Variants in PRKG1 observed in about 807,000 individuals in gnomAD.
PRKG1 encodes protein kinase cGMP-dependent 1.
PRKG1 carries 35 observed loss-of-function variants against 88.1 expected under a neutral mutation model. That is an observed-to-expected ratio of 0.40 (90% CI 0.30 to 0.53). The LOEUF (loss-of-function observed/expected upper bound fraction) is 0.53, where lower values mean the gene tolerates loss of function less well. Ranked by LOEUF, PRKG1 falls within the 20% of genes least tolerant of loss-of-function variation. PRKG1 has a pLI of 0.59. For missense variants in PRKG1, 540 were observed against 839.8 expected, an observed-to-expected ratio of 0.64 and a Z score of 4.41; for synonymous variants, 303 against 292.5, an observed-to-expected ratio of 1.04 and a Z score of -0.37.
intron 2 of PRKG1, among the ~76,000 whole-genome samples, chr10:51,260,531 C>A (rs534999014): frequency 2.0e-5 from 3 of 152,236 alleles, no homozygotes; most frequent in Non-Finnish European, 2.9e-5. Context: ...TATTTCTAGA[C>A]TAGCACTAAT....
intron 2 of PRKG1, among the ~76,000 whole-genome samples, chr10:51,305,794 T>C (rs145314274): frequency 6.6e-6 from 1 of 152,218 alleles, no homozygotes; most frequent in Middle Eastern, 3.2e-3. Context: ...AAAATATCAT[T>C]TTCTTCCTAG....
intron 3 of PRKG1, among the ~76,000 whole-genome samples, chr10:51,571,111 G>A (rs11497981): frequency 0.15 from 22,405 of 151,802 alleles, 1,815 homozygotes; most frequent in African/African-American, 0.21. Context: ...TGCATTTGAC[G>A]TGCTCACCAG....
intron 2 of PRKG1, among the ~76,000 whole-genome samples, chr10:51,156,864 A>G (rs1053922256): frequency 1.3e-5 from 2 of 151,990 alleles, no homozygotes; most frequent in Non-Finnish European, 2.9e-5. Context: ...GAACATTCAT[A>G]TTTATAAAGA....
chr10:52,112,957 A>G (rs1215454009), intron 7 of PRKG1, among the ~76,000 whole-genome samples: 1 of 152,170 alleles, frequency 6.6e-6, no homozygotes, highest in Non-Finnish European at 1.5e-5. Context: ...TGGTACCTCG[A>G]GTAAGATTAC....
At position 52,157,318 on chromosome 10, in the gene PRKG1, T is replaced by C. The variant is rs994756437; in HGVS notation, c.1002-4571T>C. Reference sequence around the variant, plus strand: ...GTGTGAGTTAGTTGATATATATATATATATATATATATATATATATGTATA... The same window carrying C: ...GTGTGAGTTAGTTGATATATATATACATATATATATATATATATATGTATA... On this transcript the variant is annotated intron_variant, in intron 8 of 17. Coordinates refer to ENST00000373980, the MANE Select transcript of PRKG1 (RefSeq NM_006258.4). Among the ~76,000 whole-genome samples, 12 of 43,794 alleles carry C rather than the reference T, an allele frequency of 2.7e-4. No individual in the cohort carries two copies. In the South Asian group the frequency reaches 6.8e-3, roughly 25 times the overall value. The allele number at this position is 43,794 out of a possible 152,430, so 28.7% of individuals were successfully genotyped here.
chr10:51,510,129 G>A (rs1038579514), intron 3 of PRKG1, among the ~76,000 whole-genome samples: 9 of 152,020 alleles, frequency 5.9e-5, no homozygotes, highest in Non-Finnish European at 2.9e-5. Context: ...TTTTGTAAAC[G>A]TGATCTGTGA....
chr10:51,510,545 T>C (rs1375893655), intron 3 of PRKG1, among the ~76,000 whole-genome samples: 1 of 152,192 alleles, frequency 6.6e-6, no homozygotes, highest in Non-Finnish European at 1.5e-5. Flanking sequence ...TAAACAGGTC[T>C]ACAATTTTAA....
At chr10:51,136,838 A>C (rs1845695755) in intron 1 of PRKG1, among the ~76,000 whole-genome samples, 2 of 152,108 alleles carry the variant, frequency 1.3e-5, no homozygotes, top group African/African-American at 2.4e-5. Flanking sequence ...AACATTATTT[A>C]CATCTTTCAA....
At chr10:51,931,337 G>C (rs2133004888) in intron 5 of PRKG1, among the ~76,000 whole-genome samples, 1 of 152,246 alleles carries the variant, frequency 6.6e-6, no homozygotes, top group Admixed American at 6.5e-5. Flanking sequence ...TAGAGGACTG[G>C]GTGCAGTAGC....
intron 3 of PRKG1, among the ~76,000 whole-genome samples, chr10:51,751,201 A>G (rs1030719303): frequency 6.6e-6 from 1 of 152,148 alleles, no homozygotes; most frequent in African/African-American, 2.4e-5. Context: ...CCAGAAAAAA[A>G]TACAGGGCAT....
intron 9 of PRKG1, among the ~76,000 whole-genome samples, chr10:52,196,049 G>A (rs538273458): frequency 6.6e-6 from 1 of 152,066 alleles, no homozygotes; most frequent in Admixed American, 6.5e-5. Context: ...GTCTCGCTCT[G>A]TTGCCCAGGT....
chr10:51,931,738 C>T (rs1433306678), intron 5 of PRKG1, among the ~76,000 whole-genome samples: 1 of 152,150 alleles, frequency 6.6e-6, no homozygotes, highest in African/African-American at 2.4e-5. Context: ...AATAATTTTG[C>T]ATATTCCTTC....
intron 2 of PRKG1, among the ~76,000 whole-genome samples, chr10:51,450,963 A>G (rs1416466905): frequency 6.6e-6 from 1 of 151,862 alleles, no homozygotes; most frequent in African/African-American, 2.4e-5. Context: ...TTAGAAGTGT[A>G]TTCAGCTAAC....
intron 2 of PRKG1, among the ~76,000 whole-genome samples, chr10:51,223,150 G>T (rs1476142745): frequency 6.6e-6 from 1 of 151,924 alleles, no homozygotes; most frequent in Non-Finnish European, 1.5e-5. Context: ...TTTATACCTG[G>T]AAGTTTGTAC....
At chr10:51,266,664 G>A (rs1030470501) in intron 2 of PRKG1, among the ~76,000 whole-genome samples, 6 of 152,096 alleles carry the variant, frequency 3.9e-5, no homozygotes, top group Non-Finnish European at 7.4e-5. Flanking sequence ...GTTAAAGTAC[G>A]GGCTGTTTTT....
intron 5 of PRKG1, among the ~76,000 whole-genome samples, chr10:52,022,183 G>A (rs961100582): frequency 1.8e-4 from 27 of 152,248 alleles, no homozygotes; most frequent in African/African-American, 6.5e-4. Context: ...CCAACTGCAA[G>A]CTAATATAAG....
intron 4 of PRKG1, among the ~76,000 whole-genome samples, chr10:51,897,129 A>G (rs1841871258): frequency 6.6e-6 from 1 of 152,240 alleles, no homozygotes. Flanking sequence ...CAGTTAAGGG[A>G]GAAAAGTATA....
At chr10:51,601,138 A>G (rs923199345) in intron 3 of PRKG1, among the ~76,000 whole-genome samples, 7 of 152,138 alleles carry the variant, frequency 4.6e-5, no homozygotes, top group Non-Finnish European at 7.4e-5. Context: ...TAATTTGAGA[A>G]TAAAGTAGGC....
intron 3 of PRKG1, among the ~76,000 whole-genome samples, chr10:51,594,129 A>G (rs1838381576): frequency 6.6e-6 from 1 of 152,098 alleles, no homozygotes; most frequent in African/African-American, 2.4e-5. Context: ...GGCTCAAGTC[A>G]TCTTCCCTGT....
Sources: gnomAD v4.1 joint callset for allele counts (sites outside exome capture counted in the v4.1 genomes callset) on GRCh38, gnomAD v4.1.1 for gene constraint, MANE v1.5 for transcripts, NCBI Gene and HGNC (gene_info 2026-07-23, HGNC 2026-07-21) for gene names.